Variants in SF3A3 observed in about 807,000 individuals in gnomAD.
The protein encoded by SF3A3 is SAP 61.
SF3A3 carries 9 observed loss-of-function variants against 85.8 expected under a neutral mutation model. That is an observed-to-expected ratio of 0.10 (90% confidence interval 0.06 to 0.18). The LOEUF (loss-of-function observed/expected upper bound fraction) is 0.18. Ranked by LOEUF, SF3A3 falls within the 10% of genes least tolerant of loss-of-function variation. SF3A3 has a pLI of 1.00. For missense variants in SF3A3, 306 were observed against 593.3 expected (o/e 0.52, Z 5.03); for synonymous variants, 195 against 204.4 (o/e 0.95, Z 0.39).
intron 16 of SF3A3, among the ~76,000 whole-genome samples, 196 bp downstream of exon 16, chr1:37,959,924 C>T (rs1019116580): frequency 2.7e-5 from 4 of 147,458 alleles, no homozygotes; most frequent in South Asian, 2.2e-4. Context: ...CACCACTGCA[C>T]TCCAGCCCGG....
chr1:37,966,876 A>G (rs28421664), intron 15 of SF3A3, among the ~76,000 whole-genome samples: 138,585 of 138,814 alleles, frequency 1, 69,180 homozygotes, highest in Middle Eastern at 1. Context: ...CACAGGTTGC[A>G]GTGAGCCGAG....
intron 4 of SF3A3, among the ~76,000 whole-genome samples, chr1:37,985,793 G>GTCCCC (rs1646451973): frequency 6.6e-6 from 1 of 152,024 alleles, no homozygotes; most frequent in Admixed American, 6.6e-5. Flanking sequence ...GTGTGTGAGG[G>GTCCCC]TCCCTTCATT....
intron 2 of SF3A3, among the ~76,000 whole-genome samples, chr1:37,989,310 GA>G (rs368894511): frequency 0.039 from 5,360 of 136,640 alleles, 293 homozygotes; most frequent in African/African-American, 0.13. Flanking sequence ...AGAAGAAGAA[GA>G]AAAAAAAAAA....
Position 37,957,916 on chromosome 1 carries a change from G to A in SF3A3, c.*270C>T, listed in dbSNP as rs1050257. On this transcript the variant is annotated 3_prime_UTR_variant, in exon 17 of 17. Transcript: ENST00000373019. Reference sequence around the variant, plus strand: ...GTTGGTGAGGAAGAGGTATGGAGGCGTTAAGACCTGAAGCACTGAGTTGGT... The same window carrying A: ...GTTGGTGAGGAAGAGGTATGGAGGCATTAAGACCTGAAGCACTGAGTTGGT... 358,726 of 402,378 alleles carry A rather than the reference G, an allele frequency of 0.89. 160,453 individuals carry two copies. The highest frequency in any genetic ancestry group is 1 in the East Asian group (23,955 of 23,968). The allele number at this position is 402,378 out of a possible 1,614,324, so 24.9% of individuals were successfully genotyped here.
intron 7 of SF3A3, 134 bp downstream of exon 7, chr1:37,981,595 C>T (rs962765417): frequency 4.3e-6 from 3 of 690,586 alleles, no homozygotes; most frequent in African/African-American, 3.6e-5. Context: ...CATTCATAAC[C>T]CCATCCTCCA....
intron 2 of SF3A3, among the ~76,000 whole-genome samples, chr1:37,988,875 GTGTGTA>G (rs962769148): frequency 1.3e-5 from 2 of 149,052 alleles, no homozygotes; most frequent in African/African-American, 5.0e-5. Flanking sequence ...GTGTGTGTGT[GTGTGTA>G]TATATATATA....
At chr1:37,979,150 C>T in intron 9 of SF3A3, 95 bp from the exon 10 acceptor site, 1 of 946,090 alleles carries the variant, frequency 1.1e-6, no homozygotes. Flanking sequence ...GAGGCTGTGG[C>T]AGGACCACAC....
At chr1:37,982,374 T>A (rs1294006758) in intron 6 of SF3A3, among the ~76,000 whole-genome samples, 1 of 96,360 alleles carries the variant, frequency 1.0e-5, no homozygotes, top group Non-Finnish European at 2.7e-5. Context: ...TGATAAGCTA[T>A]TTTTTTTTTT....
At chr1:37,984,312 G>A in intron 5 of SF3A3, 52 bp from the exon 6 acceptor site, 1 of 1,051,948 alleles carries the variant, frequency 9.5e-7, no homozygotes, top group Non-Finnish European at 1.5e-6. Flanking sequence ...CACTCTCTTG[G>A]ACTTACCTTT....
Position 37,958,051 on chromosome 1 carries a change from G to A in SF3A3, c.*135C>T. The A allele has an allele frequency of 1.5e-6, 1 of 651,552 alleles. No homozygotes were observed. The highest frequency in any genetic ancestry group is 2.8e-6 in the Non-Finnish European group (1 of 359,348). 40.4% of individuals were successfully genotyped at this position (651,552 alleles called of 1,614,324 possible). ...ACCCTGCAATCTGCCAGCATGCCTTGTTTCTACAAGATGCATGCTAGACCA... is the reference window on the plus strand; with the variant it reads ...ACCCTGCAATCTGCCAGCATGCCTTATTTCTACAAGATGCATGCTAGACCA... On this transcript the variant is annotated 3_prime_UTR_variant, in exon 17 of 17. Coordinates refer to ENST00000373019, the MANE Select transcript of SF3A3 (RefSeq NM_006802.4).
At chr1:37,979,164 T>G (rs201866083) in intron 9 of SF3A3, 109 bp from the exon 10 acceptor site, 1 of 832,056 alleles carries the variant, frequency 1.2e-6, no homozygotes. Flanking sequence ...ACCACACATT[T>G]CACAGCCAAT....
At chr1:37,977,873 C>T (rs939959823) in intron 11 of SF3A3, among the ~76,000 whole-genome samples, 11 of 151,816 alleles carry the variant, frequency 7.2e-5, no homozygotes, top group African/African-American at 2.7e-4. Flanking sequence ...CAAAAATTAG[C>T]CAATGTGGTG....
rs1245683034 is a variant in SF3A3, at chr1:37,957,170, CA to C, written c.*1015del. On this transcript the variant is annotated 3_prime_UTR_variant, in exon 17 of 17. Coordinates refer to ENST00000373019, the MANE Select transcript of SF3A3 (RefSeq NM_006802.4). ...ACATTTGGATCCTGGGGCAGCTGCT[CA>C]ACTCTACCCAACTCTACCATGGCTA... 1 of 152,076 alleles carries C rather than the reference CA, an allele frequency of 6.6e-6. No individual in the cohort carries two copies. Among genetic ancestry groups the C allele is most frequent in the Admixed American group, 6.6e-5 (1 of 15,260 alleles). The allele number at this position is 152,076 out of a possible 1,614,324, so 9.4% of individuals were successfully genotyped here. A position where few individuals can be genotyped will look rare whatever the true frequency, so the allele number is the denominator to read the frequency against.
chr1:37,985,755 C>T (rs778061967), intron 4 of SF3A3, among the ~76,000 whole-genome samples: 8 of 151,990 alleles, frequency 5.3e-5, no homozygotes, highest in African/African-American at 1.4e-4. Flanking sequence ...AGCAGAAGAC[C>T]TCATTCTCTA....
At position 37,964,226 on chromosome 1, in the gene SF3A3, G is replaced by A. The variant is rs574585262; in HGVS notation, c.1372+3818C>T. Among the ~76,000 whole-genome samples the A allele has an allele frequency of 6.6e-5, 10 of 152,106 alleles. No homozygotes were observed. The South Asian group carries it at 8.3e-4, about 13-fold the overall frequency. ...AAACTCTGTATGGCTAAGAGAACAC[G>A]ATTTCTTTCTAGAAAGACTCTTAAT... On this transcript the variant is annotated intron_variant, in intron 15 of 16. Transcript: ENST00000373019.
At chr1:37,963,063 G>A (rs983594831) in intron 15 of SF3A3, among the ~76,000 whole-genome samples, 1 of 149,628 alleles carries the variant, frequency 6.7e-6, no homozygotes, top group South Asian at 2.1e-4. Context: ...ACTCTAGCCT[G>A]AGCAACAGAG....
intron 12 of SF3A3, among the ~76,000 whole-genome samples, chr1:37,971,772 T>C (rs1398701910): frequency 6.6e-6 from 1 of 152,170 alleles, no homozygotes; most frequent in Non-Finnish European, 1.5e-5. Context: ...ATTATCTCAA[T>C]AGATGCAGAA....
At position 37,980,568 on chromosome 1, in the gene SF3A3, C is replaced by T. The variant is rs760452819; in HGVS notation, c.690+18G>A. ...AATTCCCTGGCATGTCCACCATTCACATCCCACTGAAGCTCACCGGCCATC... is the reference window on the plus strand; with the variant it reads ...AATTCCCTGGCATGTCCACCATTCATATCCCACTGAAGCTCACCGGCCATC... On this transcript the variant is annotated intron_variant, in intron 8 of 16. Transcript: ENST00000373019. The T allele has an allele frequency of 5.6e-6, 9 of 1,612,162 alleles. No homozygotes were observed. In the Admixed American group the frequency reaches 1.0e-4, roughly 18 times the overall value.
intron 14 of SF3A3, 144 bp from the exon 15 acceptor site, chr1:37,968,278 T>C: frequency 1.5e-6 from 1 of 648,892 alleles, no homozygotes; most frequent in Non-Finnish European, 2.9e-6. Flanking sequence ...TTCATGTTTG[T>C]AAACAGCTGG....
Sources: gnomAD v4.1 joint callset for allele counts (sites outside exome capture counted in the v4.1 genomes callset) on GRCh38, gnomAD v4.1.1 for gene constraint, MANE v1.5 for transcripts, NCBI Gene and HGNC (gene_info 2026-07-23, HGNC 2026-07-21) for gene names.